Variants in LRRC7 observed in about 807,000 individuals in gnomAD.
The protein encoded by LRRC7 is leucine-rich repeat-containing protein 7.
A neutral mutation model predicts 175.7 loss-of-function variants in LRRC7; 23 were observed. The observed-to-expected ratio is 0.13, with a 90% CI of 0.09 to 0.19. The LOEUF is 0.19. Among genes scored for constraint, LRRC7 ranks in the 10% least tolerant of loss-of-function variants. LRRC7 has a pLI of 1.00. For missense variants in LRRC7, 1,354 were observed against 1,904.7 expected, an observed-to-expected ratio of 0.71 and a Z score of 5.38; for synonymous variants, 685 against 680.9, an observed-to-expected ratio of 1.01 and a Z score of -0.09.
intron 23 of LRRC7, among the ~76,000 whole-genome samples, chr1:70,059,035 A>T (rs1450337897): frequency 1.3e-5 from 2 of 152,252 alleles, no homozygotes; most frequent in Non-Finnish European, 1.5e-5. Flanking sequence ...CTACAGTGAC[A>T]TATTAAAACC....
Position 69,881,995 on chromosome 1 carries a change from C to T in LRRC7, c.647+43712C>T, listed in dbSNP as rs966149084. On this transcript the variant is annotated intron_variant, in intron 7 of 26. Coordinates refer to ENST00000651989, the MANE Select transcript of LRRC7 (RefSeq NM_001370785.2). The stretch of plus-strand genomic sequence containing the variant: ...ATATCCAAAATATATTTTAAGAGTT[C>T]ATACGACTGAATAGCAAAAAAAAAA... 4.3e-5 allele frequency among the ~76,000 whole-genome samples: 6 copies of T among 139,664 alleles called. No homozygotes were observed. In the Admixed American group the frequency reaches 4.4e-4, roughly 10 times the overall value. 91.6% of individuals were successfully genotyped at this position (139,664 alleles called of 152,430 possible).
chr1:69,604,543 G>T (rs1647233422), intron 1 of LRRC7, among the ~76,000 whole-genome samples: 1 of 152,048 alleles, frequency 6.6e-6, no homozygotes, highest in Non-Finnish European at 1.5e-5. Context: ...TTAGTGATTT[G>T]GTCTATTGGA....
chr1:70,011,072 T>G (rs1446761873), intron 11 of LRRC7, among the ~76,000 whole-genome samples: 1 of 152,188 alleles, frequency 6.6e-6, no homozygotes, highest in African/African-American at 2.4e-5. Context: ...TTTTAAATAC[T>G]TATATAATTT....
chr1:69,827,270 C>A (rs539122925), intron 5 of LRRC7, among the ~76,000 whole-genome samples: 1 of 152,170 alleles, frequency 6.6e-6, no homozygotes, highest in African/African-American at 2.4e-5. Context: ...TTATTTAATT[C>A]TAGTAGCTCG....
At chr1:69,755,608 T>A (rs1670334062) in intron 2 of LRRC7, among the ~76,000 whole-genome samples, 1 of 151,544 alleles carries the variant, frequency 6.6e-6, no homozygotes, top group Non-Finnish European at 1.5e-5. Flanking sequence ...ATTAGCAACA[T>A]TATAACAAAG....
chr1:69,837,380 T>G (rs549172774), intron 6 of LRRC7, among the ~76,000 whole-genome samples: 1 of 151,944 alleles, frequency 6.6e-6, no homozygotes, highest in African/African-American at 2.4e-5. Context: ...GAAATTATGC[T>G]TTACATGTAT....
At chr1:69,666,628 G>T (rs1022514450) in intron 1 of LRRC7, among the ~76,000 whole-genome samples, 2 of 151,844 alleles carry the variant, frequency 1.3e-5, no homozygotes, top group African/African-American at 4.8e-5. Context: ...AACCACTAAA[G>T]ATCTTTTGAA....
intron 8 of LRRC7, among the ~76,000 whole-genome samples, chr1:69,967,026 C>T (rs770450939): frequency 7.7e-4 from 118 of 152,274 alleles, no homozygotes; most frequent in South Asian, 1.5e-3. Context: ...GCCCTACTTT[C>T]GCAGCTGGGA....
intron 1 of LRRC7, among the ~76,000 whole-genome samples, chr1:69,621,205 C>T (rs1400902023): frequency 1.3e-5 from 2 of 151,846 alleles, no homozygotes; most frequent in African/African-American, 2.4e-5. Context: ...CCACCATGCC[C>T]GGCTAATTTT....
In LRRC7 at chr1:69,755,404, G is replaced by GTA. The variant is rs150853081; in HGVS notation, c.101-4773_101-4772dup. On this transcript the variant is annotated intron_variant, in intron 2 of 26. Transcript: ENST00000651989. ...TATATATATTTATATATATGCAAAA[G>GTA]TATATATATATATATTTTGCAAGGA... is the stretch of plus-strand genomic sequence containing the variant. 5.9e-3 allele frequency among the ~76,000 whole-genome samples: 868 copies of GTA among 146,488 alleles called. 3 individuals are homozygous for GTA. The highest frequency in any genetic ancestry group is 0.018 in the African/African-American group (727 of 40,152).
rs1008309088 is a variant in LRRC7 at position 70,128,973 on chromosome 1, C to T, written c.*7086C>T. Among the ~76,000 whole-genome samples, 1 of 152,024 alleles carries T rather than the reference C, an allele frequency of 6.6e-6. No homozygotes were observed. The highest frequency in any genetic ancestry group is 2.1e-4 in the South Asian group (1 of 4,814). ...ATAAAGAGTGTCACGAAGCCGGGTGCGGTGACTTATGCCTGTAATCCCAGC... is the reference window on the plus strand; with the variant it reads ...ATAAAGAGTGTCACGAAGCCGGGTGTGGTGACTTATGCCTGTAATCCCAGC... On this transcript the variant is annotated 3_prime_UTR_variant, in exon 27 of 27. Transcript: ENST00000651989.
At chr1:69,788,898 T>C (rs925912954) in intron 3 of LRRC7, among the ~76,000 whole-genome samples, 7 of 152,172 alleles carry the variant, frequency 4.6e-5, no homozygotes, top group African/African-American at 1.4e-4. Flanking sequence ...AATATATTAA[T>C]GTCTGAATAT....
chr1:69,619,248 A>G (rs115994989), intron 1 of LRRC7, among the ~76,000 whole-genome samples: 91 of 152,328 alleles, frequency 6.0e-4, no homozygotes, highest in Non-Finnish European at 1.2e-3. Context: ...ATAATATTTG[A>G]ACATTATATG....
chr1:69,922,787 TTTTTTTTAA>T (rs1413863448), intron 7 of LRRC7, among the ~76,000 whole-genome samples: 2 of 151,978 alleles, frequency 1.3e-5, no homozygotes, highest in South Asian at 2.1e-4. Flanking sequence ...AATACTATTC[TTTTTTTTAA>T]TTTTTTTAAT....
intron 3 of LRRC7, among the ~76,000 whole-genome samples, chr1:69,766,191 G>T (rs1345083148): frequency 6.6e-6 from 1 of 152,052 alleles, no homozygotes. Flanking sequence ...GCATACAGAG[G>T]CAAAATTGGG....
intron 25 of LRRC7, among the ~76,000 whole-genome samples, chr1:70,100,556 C>A (rs1214937148): frequency 6.6e-6 from 1 of 151,978 alleles, no homozygotes; most frequent in Admixed American, 6.6e-5. Context: ...ACAAATGCAA[C>A]CAAGTGATTT....
intron 8 of LRRC7, among the ~76,000 whole-genome samples, chr1:69,948,649 C>T (rs979801824): frequency 1.3e-5 from 2 of 152,020 alleles, no homozygotes; most frequent in Non-Finnish European, 2.9e-5. Context: ...TTCCTCTGCA[C>T]GACTGAATAA....
chr1:69,994,555 C>A lies in LRRC7; in HGVS notation c.932-6C>A. The A allele has an allele frequency of 1.3e-6, 2 of 1,585,660 alleles. No individual in the cohort carries two copies. Among genetic ancestry groups the A allele is most frequent in the Non-Finnish European group, 1.7e-6 (2 of 1,155,792 alleles). On this transcript the variant is annotated splice_region_variant and splice_polypyrimidine_tract_variant and intron_variant, in intron 10 of 26. Coordinates refer to ENST00000651989, the MANE Select transcript of LRRC7 (RefSeq NM_001370785.2). ...ATGTATTAATCAACCTTCTTCTCTGCTTTAGGACTTTTGAAAAAACTAACA... is the reference window on the plus strand; with the variant it reads ...ATGTATTAATCAACCTTCTTCTCTGATTTAGGACTTTTGAAAAAACTAACA...
intron 10 of LRRC7, among the ~76,000 whole-genome samples, chr1:69,988,469 T>A (rs1296037248): frequency 4.6e-5 from 7 of 152,188 alleles, no homozygotes; most frequent in African/African-American, 1.2e-4. Flanking sequence ...AACATCAACC[T>A]GAACCTGTGA....
Sources: gnomAD v4.1 joint callset for allele counts (sites outside exome capture counted in the v4.1 genomes callset) on GRCh38, gnomAD v4.1.1 for gene constraint, MANE v1.5 for transcripts, NCBI Gene and HGNC (gene_info 2026-07-23, HGNC 2026-07-21) for gene names.